CETP: variants seen among roughly 807,000 people sequenced by gnomAD.
The protein encoded by CETP is cholesteryl ester transfer protein.
A neutral mutation model predicts 66.5 loss-of-function variants in CETP; 56 were observed. That is an observed-to-expected ratio of 0.84 (90% CI 0.68 to 1.05). CETP has a LOEUF of 1.05. CETP is among the 50% of genes least tolerant of loss of function. The probability of loss-of-function intolerance (pLI) is 0.00; values close to 1 mark genes in which losing one functional copy is unlikely to be tolerated. For synonymous variants in CETP, 251 were observed against 245.7 expected, an observed-to-expected ratio of 1.02 and a Z score of -0.20; for missense variants, 612 against 609.6, an observed-to-expected ratio of 1.00 and a Z score of -0.04.
chr16:56,976,034 C>A (rs1036020376), intron 10 of CETP, among the ~76,000 whole-genome samples: 1 of 152,232 alleles, frequency 6.6e-6, no homozygotes, highest in African/African-American at 2.4e-5. Flanking sequence ...TCTCCTTGCA[C>A]ATACACAACT....
chr16:56,972,090 G>C lies in CETP; in HGVS notation c.750+7G>C. The C allele has an allele frequency of 1.2e-6, 2 of 1,610,740 alleles. No individual in the cohort carries two copies. Among genetic ancestry groups the C allele is most frequent in the South Asian group, 2.2e-5 (2 of 91,022 alleles). ...CCTGGAGTCCCATCACAAGGTAGGAGTTGTGGGAGGGTGGGGCAGGGCCCA... is the reference window on the plus strand; with the variant it reads ...CCTGGAGTCCCATCACAAGGTAGGACTTGTGGGAGGGTGGGGCAGGGCCCA... On this transcript the variant is annotated splice_region_variant and intron_variant, in intron 8 of 15. Coordinates refer to ENST00000200676, the MANE Select transcript of CETP (RefSeq NM_000078.3).
intron 14 of CETP, 94 bp from the exon 15 acceptor site, chr16:56,983,232 G>A (rs2056200865): frequency 4.3e-6 from 4 of 930,412 alleles, no homozygotes; most frequent in Non-Finnish European, 7.1e-6. Flanking sequence ...TGGTCCAAAA[G>A]GGTCTCAGCA....
At chr16:56,964,555 G>A (rs2056051826) in intron 2 of CETP, among the ~76,000 whole-genome samples, 1 of 152,118 alleles carries the variant, frequency 6.6e-6, no homozygotes, top group Non-Finnish European at 1.5e-5. Context: ...AGGCCCCAAG[G>A]GTGGGGCAGA....
chr16:56,978,034 G>T, intron 10 of CETP, 57 bp from the exon 11 acceptor site: 2 of 1,596,822 alleles, frequency 1.3e-6, no homozygotes, highest in South Asian at 2.2e-5. Context: ...CGAGGGCATG[G>T]ACTGCTGCTG....
chr16:56,975,456 G>T (rs971423191), intron 10 of CETP, among the ~76,000 whole-genome samples: 5 of 152,194 alleles, frequency 3.3e-5, no homozygotes, highest in African/African-American at 1.2e-4. Flanking sequence ...TCCATTCCCT[G>T]CTCCATTTCC....
Position 56,976,119 on chromosome 16 carries a change from A to G in CETP, c.981+968A>G, listed in dbSNP as rs563612000. Among the ~76,000 whole-genome samples, 84 of 151,484 alleles carry G rather than the reference A, an allele frequency of 5.5e-4. No homozygotes were observed. In the South Asian group the frequency reaches 0.011, roughly 19 times the overall value. ...CTGAGTCCTGTTCCTTTGATGTCCT[A>G]TTTCTAGTCTTTCCATTTCTCTCTG... On this transcript the variant is annotated intron_variant, in intron 10 of 15. Transcript: ENST00000200676.
chr16:56,963,602 C>A (rs2056041865), intron 2 of CETP, among the ~76,000 whole-genome samples: 1 of 152,132 alleles, frequency 6.6e-6, no homozygotes, highest in Admixed American at 6.5e-5. Context: ...TGGTAACAGT[C>A]AAGGGTCGGT....
intron 2 of CETP, among the ~76,000 whole-genome samples, chr16:56,967,977 T>A (rs1478150815): frequency 3.4e-5 from 5 of 147,310 alleles, no homozygotes; most frequent in Non-Finnish European, 3.0e-5. Flanking sequence ...AAGAACAAAC[T>A]AAAAAAAAAA....
intron 14 of CETP, 43 bp from the exon 15 acceptor site, chr16:56,983,283 G>A (rs2056201232): frequency 6.3e-7 from 1 of 1,579,994 alleles, no homozygotes; most frequent in Non-Finnish European, 8.7e-7. Flanking sequence ...GGCCGGCCTT[G>A]CTCCCCAAGA....
intron 1 of CETP, 46 bp downstream of exon 1, chr16:56,962,143 G>A (rs1260411524): frequency 1.3e-6 from 2 of 1,505,408 alleles, no homozygotes; most frequent in African/African-American, 1.4e-5. Context: ...TCTTTTCATG[G>A]ACACCCACTA....
chr16:56,971,872 C>T (rs2056112853), intron 7 of CETP, 120 bp from the exon 8 acceptor site: 1 of 872,676 alleles, frequency 1.1e-6, no homozygotes, highest in Non-Finnish European at 1.9e-6. Flanking sequence ...CACCCAGGTC[C>T]CACTTTACAG....
intron 11 of CETP, among the ~76,000 whole-genome samples, chr16:56,980,909 G>A (rs1239639103): frequency 6.6e-6 from 1 of 152,190 alleles, no homozygotes; most frequent in Non-Finnish European, 1.5e-5. Context: ...GCAACAGAGT[G>A]AGACTGTCTC....
At chr16:56,979,533 CAG>C (rs1417363440) in intron 11 of CETP, among the ~76,000 whole-genome samples, 3 of 144,896 alleles carry the variant, frequency 2.1e-5, no homozygotes, top group Non-Finnish European at 3.0e-5. Context: ...TTTTTTGAGA[CAG>C]AGTCTCACTC....
intron 11 of CETP, 113 bp downstream of exon 11, chr16:56,978,368 C>T (rs572033689): frequency 3.1e-6 from 4 of 1,273,582 alleles, no homozygotes; most frequent in Non-Finnish European, 4.5e-6. Context: ...ACCACCTCTG[C>T]TGGCACTGGT....
intron 6 of CETP, 30 bp downstream of exon 6, chr16:56,971,132 C>G: frequency 6.2e-7 from 1 of 1,605,722 alleles, no homozygotes; most frequent in South Asian, 1.1e-5. Context: ...TCCCTGTGGT[C>G]CAGGGCCATG....
chr16:56,977,660 C>A (rs1308311491), intron 10 of CETP, among the ~76,000 whole-genome samples: 1 of 152,164 alleles, frequency 6.6e-6, no homozygotes, highest in African/African-American at 2.4e-5. Context: ...GCTCTATCCC[C>A]ACCCCTAGCC....
chr16:56,963,277 C>A (rs187504176), intron 2 of CETP, among the ~76,000 whole-genome samples, 153 bp downstream of exon 2: 7 of 152,194 alleles, frequency 4.6e-5, no homozygotes, highest in African/African-American at 1.4e-4. Flanking sequence ...CCTTCCCTAC[C>A]CCCACCCTCC....
intron 14 of CETP, among the ~76,000 whole-genome samples, chr16:56,982,616 T>G (rs548798719): frequency 4.8e-4 from 73 of 152,338 alleles, no homozygotes; most frequent in African/African-American, 1.3e-3. Context: ...ATGTTGAACT[T>G]GATGATTCCC....
At chr16:56,976,122 T>C (rs1437808529) in intron 10 of CETP, among the ~76,000 whole-genome samples, 1 of 152,144 alleles carries the variant, frequency 6.6e-6, no homozygotes, top group Non-Finnish European at 1.5e-5. Context: ...ATGTCCTATT[T>C]CTAGTCTTTC....
Sources: gnomAD v4.1 joint callset for allele counts (sites outside exome capture counted in the v4.1 genomes callset) on GRCh38, gnomAD v4.1.1 for gene constraint, MANE v1.5 for transcripts, NCBI Gene and HGNC (gene_info 2026-07-23, HGNC 2026-07-21) for gene names.